Variants in SPTB observed in about 807,000 individuals in gnomAD.
SPTB encodes spectrin beta chain, erythrocytic.
In SPTB, 45 loss-of-function variants were observed where a neutral mutation model predicts 256.2. The ratio of observed to expected loss-of-function variants is 0.18; its 90% CI spans 0.14 to 0.23. The LOEUF (loss-of-function observed/expected upper bound fraction) is 0.23, where lower values mean the gene tolerates loss of function less well. Among genes scored for constraint, SPTB ranks in the 10% least tolerant of loss-of-function variants. The probability of loss-of-function intolerance (pLI) is 1.00; values close to 1 mark genes in which losing one functional copy is unlikely to be tolerated. For synonymous variants in SPTB, 1,231 were observed against 1,243.1 expected, an observed-to-expected ratio of 0.99 and a Z score of 0.21; for missense variants, 2,715 against 3,040.4, an observed-to-expected ratio of 0.89 and a Z score of 2.52.
rs138277322 is a variant in SPTB, at chr14:64,748,734, C to T, written c.*572G>A. 1,657 of 154,700 alleles carry T rather than the reference C, an allele frequency of 0.011. 40 individuals carry two copies. Among genetic ancestry groups the T allele is most frequent in the African/African-American group, 0.038 (1,588 of 41,582 alleles). 9.6% of individuals were successfully genotyped at this position (154,700 alleles called of 1,614,324 possible). ...TGCACCCAGTCTGGTCCCCTCAGCC[C>T]CCCAGAGCCCCTGGCCCAGAGCTAG... On this transcript the variant is annotated 3_prime_UTR_variant, in exon 36 of 36. Transcript: ENST00000644917.
chr14:64,832,195 C>T (rs2083462313), intron 1 of SPTB, among the ~76,000 whole-genome samples: 1 of 152,238 alleles, frequency 6.6e-6, no homozygotes, highest in Non-Finnish European at 1.5e-5. Context: ...TCACTGAAAT[C>T]TGGCTTCCGC....
rs777814175 is a variant in SPTB at position 64,769,086 on chromosome 14, C to G, written c.5970G>C (p.Arg1990Ser). 1.2e-6 allele frequency: 2 copies of G among 1,613,878 alleles called. No homozygotes were observed. The highest frequency in any genetic ancestry group is 2.2e-5 in the East Asian group (1 of 44,874). Residue 1990 changes from arginine (R) to serine (S), a missense_variant, in exon 29 of 36, where the codon AGG (arginine) becomes AGC (serine). Coordinates refer to ENST00000644917, the MANE Select transcript of SPTB (RefSeq NM_001355436.2). ...CCCACTTCTCATTCATCTCTTTCCT[C>G]CTGGACATCACCTGCTGCAGTTTCT... ...IREKLQQVMS[R>S]RKEMNEKWEA...
At chr14:64,858,690 G>C (rs1243682874) in intron 1 of SPTB, among the ~76,000 whole-genome samples, 1 of 152,134 alleles carries the variant, frequency 6.6e-6, no homozygotes, top group African/African-American at 2.4e-5. Flanking sequence ...CCCAGTAAAA[G>C]GCTGGTGCCT....
chr14:64,780,378 C>CA (rs1566752770), intron 20 of SPTB, among the ~76,000 whole-genome samples: 1 of 152,334 alleles, frequency 6.6e-6, no homozygotes, highest in East Asian at 1.9e-4. Flanking sequence ...TCCTATCAAA[C>CA]TACTAATGAC....
intron 1 of SPTB, among the ~76,000 whole-genome samples, chr14:64,864,442 C>T (rs1401170882): frequency 6.6e-6 from 1 of 152,162 alleles, no homozygotes; most frequent in Admixed American, 6.5e-5. Context: ...GAGCAAGACC[C>T]CATCTCAAAA....
chr14:64,769,689 C>T lies in SPTB; in HGVS notation c.5838G>A (p.Gln1946=), dbSNP rs370190815. Residue 1946 remains glutamine (Q), a synonymous_variant, in exon 28 of 36, where the codon CAG becomes CAA. Transcript: ENST00000644917. ...SSVELLMKYH[Q]GINAEIETRS... is the part of the protein sequence containing the mutation. ...GGGTTTCAATCTCTGCATTGATGCC[C>T]TGGTGATACTTCATGAGCAGTTCCA... 3.8e-5 allele frequency: 61 copies of T among 1,614,086 alleles called. No homozygotes were observed. Among genetic ancestry groups the T allele is most frequent in the Non-Finnish European group, 5.0e-5 (59 of 1,180,046 alleles).
chr14:64,777,987 A>C lies in SPTB; in HGVS notation c.4563+1170T>G, dbSNP rs868704990. On this transcript the variant is annotated intron_variant, in intron 22 of 35. Transcript: ENST00000644917. This position sits in a 1 kb window ranked among gnomAD's most constrained non-coding sequence, Gnocchi z 4.5. ...ATAGAATCAAAAATCCTAGTGTTGG[A>C]AAGACTAGAGTTGGCTCATTTTACA... Among the ~76,000 whole-genome samples, 1 of 152,202 alleles carries C rather than the reference A, an allele frequency of 6.6e-6. No homozygotes were observed. Among genetic ancestry groups the C allele is most frequent in the South Asian group, 2.1e-4 (1 of 4,828 alleles).
In SPTB at chr14:64,760,032, T is replaced by TTGC. The variant is rs905167313; in HGVS notation, c.6346-6242_6346-6240dup. Among the ~76,000 whole-genome samples the TTGC allele has an allele frequency of 6.6e-6, 1 of 152,110 alleles. No homozygotes were observed. The highest frequency in any genetic ancestry group is 2.4e-5 in the African/African-American group (1 of 41,404). On this transcript the variant is annotated intron_variant, in intron 32 of 35. Coordinates refer to ENST00000644917, the MANE Select transcript of SPTB (RefSeq NM_001355436.2). This position sits in a 1 kb window ranked among gnomAD's most constrained non-coding sequence, Gnocchi z 4.3. ...GAGGGCAGGGGACAAGCAGCATTGG[T>TTGC]TGCTGGTTGACAGGGATCAGTGGAG...
rs771350723 is a variant in SPTB, at chr14:64,786,003, G to A, written c.3562-52C>T. On this transcript the variant is annotated intron_variant, in intron 16 of 35. Coordinates refer to ENST00000644917, the MANE Select transcript of SPTB (RefSeq NM_001355436.2). This position sits in a 1 kb window ranked among gnomAD's most constrained non-coding sequence, Gnocchi z 5.6. ...CATGAAGACACACGGAGGAGGTGAT[G>A]AGCACACCTCCCAAGTGGGAGCACC... The A allele has an allele frequency of 4.5e-6, 7 of 1,566,524 alleles. 1 individual carries two copies. Among genetic ancestry groups the A allele is most frequent in the South Asian group, 3.3e-5 (3 of 89,680 alleles).
chr14:64,749,327 G>A lies in SPTB; in HGVS notation c.6966C>T (p.Ser2322=), dbSNP rs2081904258. ...LGKKDKEKRF[S]FFPKKK ...CCTGCTACTTCTTTTTGGGGAAGAA[G>A]CTGAATCTCTTCTCCTTGTCTTTCT... The change falls in exon 36 of 36, where the codon AGC becomes AGT. Residue 2322 remains serine, a synonymous_variant. Transcript: ENST00000644917. The surrounding 1 kb of genome is among the most constrained non-coding windows in gnomAD (Gnocchi z 4.7). The A allele has an allele frequency of 2.5e-6, 4 of 1,607,904 alleles. No homozygotes were observed. Among genetic ancestry groups the A allele is most frequent in the South Asian group, 1.1e-5 (1 of 90,484 alleles).
At chr14:64,762,780 G>A (rs2139458614) in intron 32 of SPTB, among the ~76,000 whole-genome samples, 1 of 152,330 alleles carries the variant, frequency 6.6e-6, no homozygotes, top group Middle Eastern at 3.4e-3. Flanking sequence ...ATAACGAGGG[G>A]GCACCCAGCA....
At chr14:64,829,851 T>A (rs2139722150) in intron 1 of SPTB, among the ~76,000 whole-genome samples, 1 of 152,288 alleles carries the variant, frequency 6.6e-6, no homozygotes, top group Non-Finnish European at 1.5e-5. Flanking sequence ...TTCTCCAAGA[T>A]CATCTCCCCA....
intron 1 of SPTB, among the ~76,000 whole-genome samples, chr14:64,870,781 G>A (rs1237296926): frequency 6.6e-6 from 1 of 152,186 alleles, no homozygotes; most frequent in Non-Finnish European, 1.5e-5. Flanking sequence ...TCACATCTAG[G>A]TATATGTCCA....
rs2082305632 is a variant in SPTB at position 64,773,208 on chromosome 14, G to A, written c.5178+12C>T. 3 of 1,614,104 alleles carry A rather than the reference G, an allele frequency of 1.9e-6. No homozygotes were observed. Among genetic ancestry groups the A allele is most frequent in the South Asian group, 1.1e-5 (1 of 91,080 alleles). ...GAGAAAGACAAAAACAGCAGGAGTT[G>A]TGGCTACTCACAGTCACGTGGTCAA... On this transcript the variant is annotated intron_variant, in intron 25 of 35. Transcript: ENST00000644917.
At chr14:64,838,899 G>A (rs949326117) in intron 1 of SPTB, among the ~76,000 whole-genome samples, 9 of 152,068 alleles carry the variant, frequency 5.9e-5, no homozygotes, top group Non-Finnish European at 8.8e-5. Flanking sequence ...CTGGGAGGCC[G>A]ACGCAGGTGG....
intron 2 of SPTB, among the ~76,000 whole-genome samples, chr14:64,810,329 C>G (rs116133830): frequency 6.6e-6 from 1 of 152,194 alleles, no homozygotes; most frequent in African/African-American, 2.4e-5. Flanking sequence ...ACCTCATACT[C>G]CAGGATAAAT....
At chr14:64,879,667 G>C (rs542574323) in intron 1 of SPTB, 125 bp downstream of exon 1, 28 of 145,540 alleles carry the variant, frequency 1.9e-4, no homozygotes, top group Admixed American at 1.8e-3. Context: ...ACTCCCACCC[G>C]GTCCTCTGGG....
rs1369359481 is a variant in SPTB at position 64,826,358 on chromosome 14, G to T, written c.-51-3213C>A. 6.6e-6 allele frequency among the ~76,000 whole-genome samples: 1 copy of T among 152,218 alleles called. No individual in the cohort carries two copies. The highest frequency in any genetic ancestry group is 1.5e-5 in the Non-Finnish European group (1 of 68,038). The stretch of plus-strand genomic sequence containing the variant: ...CCCTTCAAAGGCCTGGCTATAAAGA[G>T]ATGACCATGACTGAAAAAAACAGCA... On this transcript the variant is annotated intron_variant, in intron 1 of 35. Coordinates refer to ENST00000644917, the MANE Select transcript of SPTB (RefSeq NM_001355436.2). The surrounding 1 kb of genome is among the most constrained non-coding windows in gnomAD (Gnocchi z 4.4).
intron 1 of SPTB, among the ~76,000 whole-genome samples, chr14:64,877,596 G>A (rs1290134730): frequency 1.3e-5 from 2 of 152,182 alleles, no homozygotes; most frequent in African/African-American, 2.4e-5. Flanking sequence ...AGAAAACGCT[G>A]AGCATTCATT....
Sources: gnomAD v4.1 joint callset for allele counts (sites outside exome capture counted in the v4.1 genomes callset) on GRCh38, gnomAD v4.1.1 for gene constraint, Gnocchi (gnomAD v3.1) non-coding constraint, MANE v1.5 for transcripts, NCBI Gene and HGNC (gene_info 2026-07-23, HGNC 2026-07-21) for gene names.